Variants in ULK4 observed in about 807,000 individuals in gnomAD.
ULK4 encodes the protein inactive serine/threonine-protein kinase ULK4.
In ULK4, 133 loss-of-function variants were observed where a neutral mutation model predicts 160.6. The observed-to-expected ratio is 0.83, with a 90% CI of 0.72 to 0.96. The LOEUF is 0.96. Among genes scored for constraint, ULK4 ranks in the 40% least tolerant of loss-of-function variants. The pLI is 0.00. For synonymous variants in ULK4, 534 were observed against 539.8 expected (o/e 0.99, Z 0.15); for missense variants, 1,580 against 1,499.5 (o/e 1.05, Z -0.89).
chr3:41,592,787 A>G (rs1207610394), intron 31 of ULK4, among the ~76,000 whole-genome samples: 2 of 152,246 alleles, frequency 1.3e-5, no homozygotes, highest in African/African-American at 4.8e-5. Context: ...CATATCACTT[A>G]TGATACAAAG....
chr3:41,542,835 T>C (rs572593948), intron 32 of ULK4, among the ~76,000 whole-genome samples: 4 of 152,266 alleles, frequency 2.6e-5, no homozygotes, highest in South Asian at 2.1e-4. Flanking sequence ...TCTCTGATAG[T>C]ATGAAAACAA....
intron 31 of ULK4, among the ~76,000 whole-genome samples, chr3:41,603,584 T>C (rs527503168): frequency 6.6e-6 from 1 of 152,120 alleles, no homozygotes; most frequent in South Asian, 2.1e-4. Flanking sequence ...TGAAATAGAA[T>C]ACACTTTTTT....
At chr3:41,317,231 G>A (rs1418726722) in intron 35 of ULK4, among the ~76,000 whole-genome samples, 1 of 151,462 alleles carries the variant, frequency 6.6e-6, no homozygotes, top group Non-Finnish European at 1.5e-5. Flanking sequence ...GCCCGCCACG[G>A]CGCCCGGCTA....
intron 35 of ULK4, among the ~76,000 whole-genome samples, chr3:41,370,418 G>T (rs955196690): frequency 6.6e-6 from 1 of 152,154 alleles, no homozygotes; most frequent in Non-Finnish European, 1.5e-5. Context: ...AACCCAGAAG[G>T]TGGGTGATTT....
intron 17 of ULK4, among the ~76,000 whole-genome samples, chr3:41,841,874 A>T (rs960839801): frequency 6.6e-6 from 1 of 152,132 alleles, no homozygotes; most frequent in African/African-American, 2.4e-5. Context: ...GTGCTGTGTC[A>T]ACTCAGGGTT....
chr3:41,416,939 T>C (rs1445705953), intron 34 of ULK4, among the ~76,000 whole-genome samples: 12 of 152,152 alleles, frequency 7.9e-5, no homozygotes, highest in Admixed American at 7.9e-4. Context: ...ATGGGCATCC[T>C]CTGCTCAGCT....
At chr3:41,949,992 T>C (rs1700235458) in intron 2 of ULK4, among the ~76,000 whole-genome samples, 1 of 151,240 alleles carries the variant, frequency 6.6e-6, no homozygotes, top group African/African-American at 2.4e-5. Flanking sequence ...CACCTTGGTC[T>C]CTCAAAGTGC....
At chr3:41,655,318 A>G (rs1343710639) in intron 30 of ULK4, among the ~76,000 whole-genome samples, 2 of 142,296 alleles carry the variant, frequency 1.4e-5, no homozygotes. Flanking sequence ...ATAGGTGGGA[A>G]TTGAACAATG....
At position 41,900,823 on chromosome 3, in the gene ULK4, T is replaced by C. The variant is rs766965869; in HGVS notation, c.1189A>G (p.Ser397Gly). The C allele has an allele frequency of 2.4e-5, 38 of 1,612,614 alleles. No individual in the cohort carries two copies. Among genetic ancestry groups the C allele is most frequent in the Non-Finnish European group, 3.1e-5 (37 of 1,179,104 alleles). ...QKTSPLTKIT[S>G]GHLSQQDLES... ...AGGTCCTGCTGACTCAGGTGTCCAC[T>C]TGTAATCTGAAATGAGAACAAAAAT... The change falls in exon 13 of 37, where the codon AGT becomes GGT. Residue 397 changes from serine to glycine, a missense_variant. Physicochemically the swap from Ser to Gly is moderately conservative, Grantham distance 56. Coordinates refer to ENST00000301831, the MANE Select transcript of ULK4 (RefSeq NM_017886.4).
chr3:41,555,332 C>T (rs1404112188), intron 32 of ULK4, among the ~76,000 whole-genome samples: 1 of 144,818 alleles, frequency 6.9e-6, no homozygotes, highest in Non-Finnish European at 1.5e-5. Context: ...AAAAAAAAAG[C>T]AATCCCATTA....
chr3:41,712,930 A>T (rs1025646), intron 25 of ULK4, among the ~76,000 whole-genome samples: 39,418 of 151,760 alleles, frequency 0.26, 6,477 homozygotes, highest in African/African-American at 0.47. Context: ...AAAAAAAAAA[A>T]TCCACAATGC....
intron 27 of ULK4, among the ~76,000 whole-genome samples, chr3:41,684,851 AT>A (rs2036047320): frequency 6.6e-6 from 1 of 152,220 alleles, no homozygotes; most frequent in South Asian, 2.1e-4. Flanking sequence ...ATTCTCAACA[AT>A]TTTTTAAAAG....
At chr3:41,835,512 T>C (rs953571959) in intron 18 of ULK4, among the ~76,000 whole-genome samples, 3 of 152,306 alleles carry the variant, frequency 2.0e-5, no homozygotes, top group African/African-American at 7.2e-5. Context: ...GAAATGGAGC[T>C]TTCCATGGAA....
At chr3:41,271,120 G>A (rs1259342547) in intron 35 of ULK4, among the ~76,000 whole-genome samples, 1 of 152,014 alleles carries the variant, frequency 6.6e-6, no homozygotes, top group African/African-American at 2.4e-5. Context: ...TGCTAAGTTT[G>A]GATATACGTA....
chr3:41,912,071 T>G (rs1698807591), intron 9 of ULK4, among the ~76,000 whole-genome samples: 1 of 151,982 alleles, frequency 6.6e-6, no homozygotes, highest in South Asian at 2.1e-4. Flanking sequence ...CTCACGCCTA[T>G]AATCCTAACA....
chr3:41,531,951 C>T (rs1431635157), intron 32 of ULK4, among the ~76,000 whole-genome samples: 2 of 152,168 alleles, frequency 1.3e-5, no homozygotes. Context: ...GGTTTTCTAA[C>T]CTAGATTATG....
intron 35 of ULK4, among the ~76,000 whole-genome samples, chr3:41,373,008 G>A (rs1220942106): frequency 6.6e-6 from 1 of 152,098 alleles, no homozygotes; most frequent in Non-Finnish European, 1.5e-5. Flanking sequence ...TGATAAAACA[G>A]CCTTTAAACA....
chr3:41,906,810 T>C (rs1450742967), intron 12 of ULK4, among the ~76,000 whole-genome samples: 1 of 152,082 alleles, frequency 6.6e-6, no homozygotes, highest in Non-Finnish European at 1.5e-5. Context: ...ATGGTCAACA[T>C]GGTGAAACCC....
intron 32 of ULK4, among the ~76,000 whole-genome samples, chr3:41,508,807 A>C (rs975248177): frequency 2.0e-5 from 3 of 152,156 alleles, no homozygotes; most frequent in African/African-American, 7.2e-5. Context: ...CCTGTGGGAC[A>C]AAAGAATCTG....
Sources: allele counts gnomAD v4.1 joint callset (sites outside exome capture counted in the v4.1 genomes callset), GRCh38; gene constraint gnomAD v4.1.1; transcripts MANE v1.5; gene names NCBI Gene and HGNC (gene_info 2026-07-23, HGNC 2026-07-21).